The following INPP5A variants were observed in gnomAD, a reference collection of about 807,000 sequenced individuals.
INPP5A encodes 43 kDa inositol polyphosphate 5-phophatase.
A neutral mutation model predicts 65.2 loss-of-function variants in INPP5A; 14 were observed. The observed-to-expected ratio is 0.21, with a 90% CI of 0.14 to 0.34. The LOEUF (loss-of-function observed/expected upper bound fraction) is 0.34, where lower values mean the gene tolerates loss of function less well. Among genes scored for constraint, INPP5A ranks in the 10% least tolerant of loss-of-function variants. INPP5A has a pLI of 1.00. For missense variants in INPP5A, 431 were observed against 545.6 expected (o/e 0.79, Z 2.09); for synonymous variants, 207 against 208.3 (o/e 0.99, Z 0.05).
At chr10:132,566,714 G>A (rs2071278681) in intron 1 of INPP5A, among the ~76,000 whole-genome samples, 1 of 152,174 alleles carries the variant, frequency 6.6e-6, no homozygotes, top group South Asian at 2.1e-4. Flanking sequence ...ATTAAAACAT[G>A]TATTTCCATA....
rs912563391 is a variant in INPP5A, at chr10:132,644,705, C to T, written c.118-1163C>T. Among the ~76,000 whole-genome samples, 20 of 152,260 alleles carry T rather than the reference C, an allele frequency of 1.3e-4. No individual in the cohort carries two copies. Among genetic ancestry groups the T allele is most frequent in the Non-Finnish European group, 2.5e-4 (17 of 68,046 alleles). ...AGTGGCTGTTGTAGCACCACCACCC[C>T]GGCACCAGACAGAGAGCCCTGTCGG... On this transcript the variant is annotated intron_variant, in intron 2 of 15. Coordinates refer to ENST00000368594, the MANE Select transcript of INPP5A (RefSeq NM_005539.5). This position sits in a 1 kb window ranked among gnomAD's most constrained non-coding sequence, Gnocchi z 6.5.
chr10:132,621,280 A>G (rs1255601490), intron 2 of INPP5A, among the ~76,000 whole-genome samples: 3 of 152,222 alleles, frequency 2.0e-5, no homozygotes, highest in African/African-American at 7.2e-5. Context: ...AGCCAGCACA[A>G]TAGGGCAAGA....
intron 1 of INPP5A, among the ~76,000 whole-genome samples, chr10:132,594,409 G>A (rs768511387): frequency 2.2e-4 from 34 of 152,314 alleles, no homozygotes; most frequent in Admixed American, 8.5e-4. Context: ...GAAACATTCC[G>A]TCATCTACAC....
At chr10:132,656,711 A>G (rs770175808) in intron 4 of INPP5A, among the ~76,000 whole-genome samples, 4 of 152,242 alleles carry the variant, frequency 2.6e-5, no homozygotes, top group Non-Finnish European at 5.9e-5. Flanking sequence ...GGCACCAAGC[A>G]GGGTTGCCCC....
intron 9 of INPP5A, among the ~76,000 whole-genome samples, chr10:132,743,389 A>G (rs1329592667): frequency 7.3e-6 from 1 of 136,754 alleles, no homozygotes; most frequent in African/African-American, 2.9e-5. Context: ...ACTCAGCCCC[A>G]GCAGGGACCA....
chr10:132,774,792 ACAGGGAGGAGAGAGGGG>A (rs1229550073), intron 12 of INPP5A, among the ~76,000 whole-genome samples: 34 of 145,976 alleles, frequency 2.3e-4, no homozygotes, highest in Admixed American at 2.8e-4. Context: ...CCCGCATCCT[ACAGGGAGGAGAGAGGGG>A]CAGGGAGGAG....
intron 8 of INPP5A, among the ~76,000 whole-genome samples, chr10:132,719,583 C>T (rs1365521107): frequency 5.6e-5 from 6 of 106,780 alleles, no homozygotes; most frequent in Admixed American, 2.1e-4. Context: ...GGCTGTCTTG[C>T]GGGTTCTGTG....
chr10:132,760,377 T>G (rs1846711449), intron 11 of INPP5A, among the ~76,000 whole-genome samples: 1 of 152,228 alleles, frequency 6.6e-6, no homozygotes, highest in Admixed American at 6.5e-5. Context: ...CGATGGTCCT[T>G]CTGGGCTCCA....
intron 8 of INPP5A, among the ~76,000 whole-genome samples, chr10:132,723,769 G>A (rs76057035): frequency 0.023 from 3,540 of 152,232 alleles, 196 homozygotes; most frequent in Admixed American, 0.14. Context: ...GCTGGCCGGC[G>A]GGCGTTGCCG....
chr10:132,757,567 C>T (rs1475196393), intron 11 of INPP5A, among the ~76,000 whole-genome samples: 3 of 152,240 alleles, frequency 2.0e-5, no homozygotes, highest in Non-Finnish European at 2.9e-5. Flanking sequence ...CCTAAGGGTG[C>T]GTTTCTCAGA....
chr10:132,747,392 G>A (rs1419149718), intron 9 of INPP5A, among the ~76,000 whole-genome samples: 1 of 152,284 alleles, frequency 6.6e-6, no homozygotes, highest in Non-Finnish European at 1.5e-5. Flanking sequence ...GCCTGCCCTG[G>A]AGTGTGCTTT....
chr10:132,743,425 C>G (rs898112634), intron 9 of INPP5A, among the ~76,000 whole-genome samples: 1 of 150,184 alleles, frequency 6.7e-6, no homozygotes, highest in African/African-American at 2.4e-5. Flanking sequence ...GCGAGCCCAC[C>G]CACCAGCGCT....
At chr10:132,773,246 T>C (rs921037514) in intron 12 of INPP5A, among the ~76,000 whole-genome samples, 16 of 152,348 alleles carry the variant, frequency 1.1e-4, no homozygotes, top group African/African-American at 3.8e-4. Context: ...TTTCAAAGTT[T>C]TTATCATACG....
rs1403586368 is a variant in INPP5A, at chr10:132,651,635, G to A, written c.306+1130G>A. ...TCACGTGACAGGCCCTTGTTAATCT[G>A]CCCTCTCCCAGGTGGGCCCCCGTAG... On this transcript the variant is annotated intron_variant, in intron 4 of 15. Coordinates refer to ENST00000368594, the MANE Select transcript of INPP5A (RefSeq NM_005539.5). This position sits in a 1 kb window ranked among gnomAD's most constrained non-coding sequence, Gnocchi z 5.0. Among the ~76,000 whole-genome samples the A allele has an allele frequency of 6.6e-6, 1 of 152,188 alleles. No individual in the cohort carries two copies. Among genetic ancestry groups the A allele is most frequent in the Non-Finnish European group, 1.5e-5 (1 of 68,020 alleles).
At chr10:132,760,096 G>C (rs1447188457) in intron 11 of INPP5A, among the ~76,000 whole-genome samples, 1 of 152,224 alleles carries the variant, frequency 6.6e-6, no homozygotes. Flanking sequence ...GAAGCTAAAC[G>C]AATTCATGTC....
In INPP5A at chr10:132,698,392, G is replaced by C. The variant is rs1845379898; in HGVS notation, c.474+473G>C. On this transcript the variant is annotated intron_variant, in intron 6 of 15. Transcript: ENST00000368594. This position sits in a 1 kb window ranked among gnomAD's most constrained non-coding sequence, Gnocchi z 5.5. ...GGCTGCGAGCAGCAGGGTCCCGGCAGTTATGCCTGCGTCACACGGAGAGAT... is the reference window on the plus strand; with the variant it reads ...GGCTGCGAGCAGCAGGGTCCCGGCACTTATGCCTGCGTCACACGGAGAGAT... 6.6e-6 allele frequency among the ~76,000 whole-genome samples: 1 copy of C among 152,244 alleles called. No homozygotes were observed. The highest frequency in any genetic ancestry group is 1.5e-5 in the Non-Finnish European group (1 of 68,044).
intron 1 of INPP5A, among the ~76,000 whole-genome samples, chr10:132,565,166 A>G (rs930505135): frequency 2.0e-5 from 3 of 152,118 alleles, no homozygotes; most frequent in African/African-American, 4.8e-5. Flanking sequence ...GCTGGTGTGC[A>G]TGGCATGGTC....
At chr10:132,700,535 G>T (rs1044807012) in intron 6 of INPP5A, among the ~76,000 whole-genome samples, 2 of 152,206 alleles carry the variant, frequency 1.3e-5, no homozygotes, top group Non-Finnish European at 2.9e-5. Context: ...CCTAGTGTGG[G>T]TTTTTAACCC....
At chr10:132,581,024 C>A (rs1443953539) in intron 1 of INPP5A, among the ~76,000 whole-genome samples, 1 of 152,188 alleles carries the variant, frequency 6.6e-6, no homozygotes. Context: ...CAAGACCCCT[C>A]CCCCATACCT....
Sources: gnomAD v4.1 joint callset for allele counts (sites outside exome capture counted in the v4.1 genomes callset) on GRCh38, gnomAD v4.1.1 for gene constraint, Gnocchi (gnomAD v3.1) non-coding constraint, MANE v1.5 for transcripts, NCBI Gene and HGNC (gene_info 2026-07-23, HGNC 2026-07-21) for gene names.